UGGT1: variants seen among roughly 807,000 people sequenced by gnomAD.
UGGT1 encodes the protein UDP-glucose glycoprotein glucosyltransferase 1.
A neutral mutation model predicts 203.9 loss-of-function variants in UGGT1; 107 were observed. That is an observed-to-expected ratio of 0.52 (90% confidence interval 0.45 to 0.62). UGGT1 has a LOEUF of 0.62. Ranked by LOEUF, UGGT1 falls within the 20% of genes least tolerant of loss-of-function variation. The pLI, the probability that UGGT1 is intolerant of heterozygous loss-of-function variation, is 0.00. For synonymous variants in UGGT1, 628 were observed against 653.5 expected (o/e 0.96, Z 0.59); for missense variants, 1,673 against 1,867.2 (o/e 0.90, Z 1.92).
rs1467273074 is a variant in UGGT1, at chr2:128,195,353, T to A, written c.*5611T>A. 1 of 152,222 alleles carries A rather than the reference T, an allele frequency of 6.6e-6. No individual in the cohort carries two copies. Among genetic ancestry groups the A allele is most frequent in the African/African-American group, 2.4e-5 (1 of 41,458 alleles). The allele number at this position is 152,222 out of a possible 1,614,324, so 9.4% of individuals were successfully genotyped here. A position where few individuals can be genotyped will look rare whatever the true frequency, so the allele number is the denominator to read the frequency against. On this transcript the variant is annotated 3_prime_UTR_variant, in exon 41 of 41. Transcript: ENST00000259253. ...GAAAGCAAAATACATTAACTTAAGG[T>A]TGACAACAAAAGATTATCAAGTACC... is the stretch of plus-strand genomic sequence containing the variant.
At chr2:128,137,228 C>A (rs1180066511) in intron 15 of UGGT1, among the ~76,000 whole-genome samples, 2 of 152,254 alleles carry the variant, frequency 1.3e-5, no homozygotes, top group Admixed American at 6.5e-5. Flanking sequence ...TCACCATGGG[C>A]AACATGAGAA....
rs1017200424 is a variant in UGGT1 at position 128,091,203 on chromosome 2, T to C, written c.-155T>C. The C allele has an allele frequency of 4.9e-6, 4 of 818,272 alleles. No homozygotes were observed. The African/African-American group carries it at 5.5e-5, about 11-fold the overall frequency. 50.7% of individuals were successfully genotyped at this position (818,272 alleles called of 1,614,324 possible). A position where few individuals can be genotyped will look rare whatever the true frequency, so the allele number is the denominator to read the frequency against. ...CGGAAGTAAAAGGGCGGCCGGCAGC[T>C]GGGCAATTGCTTTGCGAGGCTGGGT... On this transcript the variant is annotated 5_prime_UTR_variant, in exon 1 of 41. Coordinates refer to ENST00000259253, the MANE Select transcript of UGGT1 (RefSeq NM_020120.4).
At chr2:128,169,137 A>T (rs1690961229) in intron 26 of UGGT1, among the ~76,000 whole-genome samples, 1 of 149,100 alleles carries the variant, frequency 6.7e-6, no homozygotes, top group South Asian at 2.1e-4. Flanking sequence ...TTGAGAAGCC[A>T]AGGCAGGAGG....
Position 128,186,917 on chromosome 2 carries a change from T to A in UGGT1, c.4476+118T>A, listed in dbSNP as rs1174677651. ...GAATTTCCTAGATTCTTATTTAGAC[T>A]TTCTCTGTAATTGTGTAGTTTGTCG... On this transcript the variant is annotated intron_variant, in intron 39 of 40. Transcript: ENST00000259253. 3 of 762,870 alleles carry A rather than the reference T, an allele frequency of 3.9e-6. No individual in the cohort carries two copies. In the African/African-American group the frequency reaches 5.4e-5, roughly 14 times the overall value. 47.3% of individuals were successfully genotyped at this position (762,870 alleles called of 1,614,324 possible).
intron 2 of UGGT1, 122 bp downstream of exon 2, chr2:128,097,686 C>G (rs1687177665): frequency 8.0e-7 from 1 of 1,250,396 alleles, no homozygotes; most frequent in Non-Finnish European, 1.1e-6. Context: ...GAGCCTCTTT[C>G]AGTGTATACT....
chr2:128,095,629 T>C (rs2105328837), intron 1 of UGGT1, among the ~76,000 whole-genome samples: 1 of 152,118 alleles, frequency 6.6e-6, no homozygotes, highest in East Asian at 1.9e-4. Context: ...GCTGGGACCA[T>C]AGGTGCATGC....
chr2:128,109,808 C>T, intron 5 of UGGT1, 62 bp downstream of exon 5: 1 of 1,379,568 alleles, frequency 7.2e-7, no homozygotes, highest in Non-Finnish European at 1.0e-6. Context: ...TGCATTTGGT[C>T]TACCTTCTGA....
At chr2:128,162,333 T>G (rs2104749229) in intron 25 of UGGT1, among the ~76,000 whole-genome samples, 1 of 152,176 alleles carries the variant, frequency 6.6e-6, no homozygotes, top group South Asian at 2.1e-4. Context: ...TGTTCTTTGA[T>G]GCATAGTTGG....
At chr2:128,102,659 A>G (rs1234605487) in intron 2 of UGGT1, among the ~76,000 whole-genome samples, 1 of 152,138 alleles carries the variant, frequency 6.6e-6, no homozygotes, top group African/African-American at 2.4e-5. Flanking sequence ...CAGTGGGGTG[A>G]AAAGAATGTA....
At chr2:128,165,740 G>T (rs1048450716) in intron 26 of UGGT1, among the ~76,000 whole-genome samples, 2 of 151,808 alleles carry the variant, frequency 1.3e-5, no homozygotes, top group Non-Finnish European at 2.9e-5. Flanking sequence ...TAAAGTACTT[G>T]TCTCATTCAT....
chr2:128,091,611 G>C (rs1686869124), intron 1 of UGGT1, 196 bp downstream of exon 1: 1 of 1,435,696 alleles, frequency 7.0e-7, no homozygotes, highest in Non-Finnish European at 9.2e-7. Context: ...CGCTTCCGCG[G>C]GGGTGGCGGC....
Position 128,117,629 on chromosome 2 carries a change from C to T in UGGT1, c.872+1286C>T, listed in dbSNP as rs554294776. ...CACGATCTTGGCTCACTGCAAGCTC[C>T]GCCTCCTGGGTTCACGCTATTCTCC... On this transcript the variant is annotated intron_variant, in intron 8 of 40. Transcript: ENST00000259253. 1.7e-4 allele frequency among the ~76,000 whole-genome samples: 25 copies of T among 149,632 alleles called. 1 individual carries two copies. Among genetic ancestry groups the T allele is most frequent in the South Asian group, 1.5e-3 (7 of 4,772 alleles).
chr2:128,159,688 G>A lies in UGGT1; in HGVS notation c.2530G>A (p.Ala844Thr), dbSNP rs1479967214. ...AKEGAAEALA[A>T]GADIAEFSVG... ...GGAGGGGGCTGCAGAGGCCCTGGCT[G>A]CAGGAGCTGACATTGCGGAGTTCTC... The change falls in exon 23 of 41, where the codon GCA becomes ACA. Residue 844 changes from alanine (A) to threonine (T), a missense_variant. This residue lies in a region of UGGT1 where 1,073 missense variants were observed against 1,078.7 expected (regional missense o/e 0.99). Transcript: ENST00000259253. The A allele has an allele frequency of 6.2e-7, 1 of 1,614,156 alleles. No homozygotes were observed. The highest frequency in any genetic ancestry group is 8.5e-7 in the Non-Finnish European group (1 of 1,180,034).
intron 11 of UGGT1, among the ~76,000 whole-genome samples, chr2:128,126,042 A>G (rs1688583649): frequency 6.6e-6 from 1 of 151,460 alleles, no homozygotes; most frequent in Non-Finnish European, 1.5e-5. Context: ...TCCCGGTTCA[A>G]GTGATTCTCC....
chr2:128,096,808 T>C (rs947107966), intron 1 of UGGT1, among the ~76,000 whole-genome samples: 2 of 152,246 alleles, frequency 1.3e-5, no homozygotes, highest in Non-Finnish European at 2.9e-5. Flanking sequence ...TTATAAAATA[T>C]GGTTGTGTGC....
intron 2 of UGGT1, among the ~76,000 whole-genome samples, chr2:128,099,713 C>G (rs1320459663): frequency 6.6e-6 from 1 of 152,132 alleles, no homozygotes; most frequent in African/African-American, 2.4e-5. Context: ...AAAGACAAAA[C>G]CATTGTATGT....
intron 38 of UGGT1, 120 bp downstream of exon 38, chr2:128,183,909 G>GGTGTGTGTGTGTGTGT (rs558911313): frequency 5.7e-4 from 193 of 340,330 alleles, no homozygotes; most frequent in South Asian, 2.1e-3. Flanking sequence ...GTTTTTTCAT[G>GGTGTGTGTGTGTGTGT]GTGTGTGTGT....
chr2:128,188,736 G>A (rs986768298), intron 40 of UGGT1, among the ~76,000 whole-genome samples: 1 of 152,178 alleles, frequency 6.6e-6, no homozygotes, highest in Admixed American at 6.5e-5. Flanking sequence ...CTTGAGCCTG[G>A]AGGTCAAGGT....
chr2:128,181,107 A>T lies in UGGT1; in HGVS notation c.4083+35A>T, dbSNP rs201467609. ...TAAAGGCCAAGTTTTGACAGTTTGT[A>T]TTAAAAGCAACAAATTGCTTCTTTT... is the stretch of plus-strand genomic sequence containing the variant. On this transcript the variant is annotated intron_variant, in intron 36 of 40. Coordinates refer to ENST00000259253, the MANE Select transcript of UGGT1 (RefSeq NM_020120.4). 5 of 1,567,366 alleles carry T rather than the reference A, an allele frequency of 3.2e-6. No homozygotes were observed. In the East Asian group the frequency reaches 1.1e-4, roughly 35 times the overall value.
Sources: allele counts gnomAD v4.1 joint callset (sites outside exome capture counted in the v4.1 genomes callset), GRCh38; gene constraint gnomAD v4.1.1; regional missense constraint gnomAD v4.1.1; transcripts MANE v1.5; gene names NCBI Gene and HGNC (gene_info 2026-07-23, HGNC 2026-07-21).